Variants in FGFR2 observed in about 807,000 individuals in gnomAD.
FGFR2 encodes the protein BEK fibroblast growth factor receptor.
Under a neutral mutation model 95.9 loss-of-function variants are expected in FGFR2, and 19 were observed. That is an observed-to-expected ratio of 0.20 (90% confidence interval 0.14 to 0.29). The LOEUF is 0.29. Ranked by LOEUF, FGFR2 falls within the 10% of genes least tolerant of loss-of-function variation. FGFR2 has a pLI of 1.00. For synonymous variants in FGFR2, 392 were observed against 393.3 expected, an observed-to-expected ratio of 1.00 and a Z score of 0.04; for missense variants, 707 against 1,056.9, an observed-to-expected ratio of 0.67 and a Z score of 4.59.
intron 9 of FGFR2, among the ~76,000 whole-genome samples, chr10:121,505,314 A>T (rs1266535148): frequency 6.6e-6 from 1 of 152,228 alleles, no homozygotes; most frequent in Non-Finnish European, 1.5e-5. Flanking sequence ...TGTTTTCAGT[A>T]TTAAAATAAA....
intron 10 of FGFR2, among the ~76,000 whole-genome samples, chr10:121,502,642 G>T (rs7898010): frequency 0.038 from 5,811 of 152,250 alleles, 240 homozygotes; most frequent in African/African-American, 0.1. Context: ...AATGTGTATA[G>T]GTACACATGA....
At chr10:121,502,521 A>T (rs1305992133) in intron 10 of FGFR2, among the ~76,000 whole-genome samples, 1 of 152,218 alleles carries the variant, frequency 6.6e-6, no homozygotes, top group Non-Finnish European at 1.5e-5. Flanking sequence ...AACAAAACTG[A>T]TGTGACATCA....
intron 8 of FGFR2, among the ~76,000 whole-genome samples, chr10:121,516,362 G>A (rs138578705): frequency 1.4e-3 from 219 of 152,234 alleles, no homozygotes; most frequent in African/African-American, 4.9e-3. Context: ...CGGATGCAAT[G>A]GTATTATTGA....
At chr10:121,496,192 A>AG (rs1846776460) in intron 13 of FGFR2, among the ~76,000 whole-genome samples, 1 of 152,108 alleles carries the variant, frequency 6.6e-6, no homozygotes, top group African/African-American at 2.4e-5. Context: ...TAAGAAAAAA[A>AG]AAAAAGAAAG....
chr10:121,550,308 A>AGC (rs1449946630), intron 5 of FGFR2, among the ~76,000 whole-genome samples: 1 of 152,148 alleles, frequency 6.6e-6, no homozygotes, highest in Non-Finnish European at 1.5e-5. Flanking sequence ...CTGGACTAAG[A>AGC]GCCCCTTGGA....
chr10:121,592,646 T>C (rs1243028929), intron 2 of FGFR2, among the ~76,000 whole-genome samples: 1 of 152,110 alleles, frequency 6.6e-6, no homozygotes, highest in African/African-American at 2.4e-5. Flanking sequence ...CTAAGGAGGC[T>C]GGGCTCTCTG....
chr10:121,573,493 A>T (rs1859185079), intron 2 of FGFR2, among the ~76,000 whole-genome samples: 1 of 152,142 alleles, frequency 6.6e-6, no homozygotes, highest in Non-Finnish European at 1.5e-5. Context: ...GGAAGAAGAA[A>T]GAGAGAAAGA....
chr10:121,590,376 T>C (rs773299973), intron 2 of FGFR2, among the ~76,000 whole-genome samples: 51 of 152,174 alleles, frequency 3.4e-4, no homozygotes, highest in Non-Finnish European at 3.2e-4. Flanking sequence ...CAAGCTTGAC[T>C]AGACTTCAAA....
intron 4 of FGFR2, among the ~76,000 whole-genome samples, chr10:121,561,200 A>G (rs1311762025): frequency 2.0e-5 from 3 of 152,174 alleles, no homozygotes; most frequent in Non-Finnish European, 4.4e-5. Context: ...CGAGGCAGGC[A>G]GATCACCTGA....
intron 2 of FGFR2, among the ~76,000 whole-genome samples, chr10:121,567,703 G>C (rs1260289825): frequency 6.6e-6 from 1 of 152,246 alleles, no homozygotes; most frequent in Non-Finnish European, 1.5e-5. Context: ...GGTGGCGGAT[G>C]ATGGCCCGCG....
intron 5 of FGFR2, among the ~76,000 whole-genome samples, chr10:121,548,774 A>C (rs531850434): frequency 1.3e-5 from 2 of 152,308 alleles, no homozygotes; most frequent in South Asian, 4.1e-4. Context: ...AACTGCATCA[A>C]TTATGTGAGT....
chr10:121,565,764 G>A (rs141939831), intron 2 of FGFR2, 60 bp from the exon 3 acceptor site: 179 of 1,602,538 alleles, frequency 1.1e-4, no homozygotes, highest in South Asian at 5.4e-4. Flanking sequence ...AGGAGAGAAC[G>A]TCCAACAAAG....
chr10:121,579,105 C>T (rs1176415384), intron 2 of FGFR2, among the ~76,000 whole-genome samples: 1 of 152,220 alleles, frequency 6.6e-6, no homozygotes, highest in Non-Finnish European at 1.5e-5. Flanking sequence ...GACAGCCTCA[C>T]ACCGCTGAGC....
intron 17 of FGFR2, chr10:121,480,284 C>G (rs1844510913): frequency 3.8e-6 from 2 of 527,160 alleles, no homozygotes; most frequent in East Asian, 6.7e-5. Context: ...CTGTCCTTAG[C>G]TTTTCTCTTG....
chr10:121,516,563 G>A (rs989749569), intron 8 of FGFR2, among the ~76,000 whole-genome samples: 2 of 152,306 alleles, frequency 1.3e-5, no homozygotes, highest in East Asian at 1.9e-4. Context: ...CACAGTCTCT[G>A]CAGTTTCACA....
chr10:121,577,353 A>G (rs958964037), intron 2 of FGFR2, among the ~76,000 whole-genome samples: 2 of 151,302 alleles, frequency 1.3e-5, no homozygotes, highest in African/African-American at 4.9e-5. Context: ...CACATCTGCC[A>G]TCAGAAAGAC....
At chr10:121,580,583 TG>T (rs762902260) in intron 2 of FGFR2, among the ~76,000 whole-genome samples, 4 of 152,056 alleles carry the variant, frequency 2.6e-5, no homozygotes, top group Non-Finnish European at 4.4e-5. Flanking sequence ...TGCCTTCGGG[TG>T]GGCGGGACAC....
At position 121,518,842 on chromosome 10, in the gene FGFR2, CAGG is replaced by C; in HGVS notation, c.939+1134_939+1136del. ...TTATCCCCGAGTGCTAGAACAGACA[CAGG>C]AGAACAATATAACGGCCAACCAGGA... On this transcript the variant is annotated intron_variant, in intron 7 of 17. Coordinates refer to ENST00000358487, the MANE Select transcript of FGFR2 (RefSeq NM_000141.5). The surrounding 1 kb of genome is among the most constrained non-coding windows in gnomAD (Gnocchi z 4.0). 1 of 1,613,994 alleles carries C rather than the reference CAGG, an allele frequency of 6.2e-7. No homozygotes were observed. Among genetic ancestry groups the C allele is most frequent in the Non-Finnish European group, 8.5e-7 (1 of 1,179,916 alleles).
At chr10:121,523,870 C>T (rs1343860720) in intron 6 of FGFR2, among the ~76,000 whole-genome samples, 2 of 152,184 alleles carry the variant, frequency 1.3e-5, no homozygotes, top group Non-Finnish European at 2.9e-5. Flanking sequence ...TCTAATAAAT[C>T]GTTTCACAAG....
Sources: allele counts gnomAD v4.1 joint callset (sites outside exome capture counted in the v4.1 genomes callset), GRCh38; gene constraint gnomAD v4.1.1; non-coding constraint Gnocchi (gnomAD v3.1); transcripts MANE v1.5; gene names NCBI Gene and HGNC (gene_info 2026-07-23, HGNC 2026-07-21).